BTBD9: variants seen among roughly 807,000 people sequenced by gnomAD.
BTBD9 encodes the protein BTB/POZ domain-containing protein 9.
Under a neutral mutation model 64.3 loss-of-function variants are expected in BTBD9, and 49 were observed. The ratio of observed to expected loss-of-function variants is 0.76; its 90% confidence interval spans 0.61 to 0.97. The LOEUF (loss-of-function observed/expected upper bound fraction) is 0.97. BTBD9 is among the 50% of genes least tolerant of loss of function. The pLI, the probability that BTBD9 is intolerant of heterozygous loss-of-function variation, is 0.00. For missense variants in BTBD9, 598 were observed against 762.1 expected, an observed-to-expected ratio of 0.78 and a Z score of 2.53; for synonymous variants, 260 against 274.7, an observed-to-expected ratio of 0.95 and a Z score of 0.53.
At chr6:38,490,523 T>G (rs1771658523) in intron 6 of BTBD9, among the ~76,000 whole-genome samples, 1 of 152,096 alleles carries the variant, frequency 6.6e-6, no homozygotes, top group Non-Finnish European at 1.5e-5. Flanking sequence ...GTTTCCCACG[T>G]TGGCCAGGCT....
chr6:38,273,302 ATGAC>A (rs1206292933), intron 8 of BTBD9, among the ~76,000 whole-genome samples: 1 of 152,180 alleles, frequency 6.6e-6, no homozygotes, highest in Non-Finnish European at 1.5e-5. Context: ...CCCCCAGTGG[ATGAC>A]TGAATCCACA....
chr6:38,478,594 T>C (rs1259247675), intron 6 of BTBD9, among the ~76,000 whole-genome samples: 3 of 152,186 alleles, frequency 2.0e-5, no homozygotes, highest in Non-Finnish European at 1.5e-5. Context: ...AGAGGAAATG[T>C]GCATGGGCAG....
chr6:38,507,946 A>T (rs189443616), intron 6 of BTBD9, among the ~76,000 whole-genome samples: 3 of 145,332 alleles, frequency 2.1e-5, no homozygotes, highest in African/African-American at 7.7e-5. Context: ...CCATTCTCCT[A>T]CCTCAGCCTC....
rs1254319476 is a variant in BTBD9, at chr6:38,184,917, G to A, written c.1641+7602C>T. ...TAAATTCTGCCTCACTCCAGGCCCT[G>A]AGCCGAGTGGTCCTGGAGGGCAGCT... On this transcript the variant is annotated intron_variant, in intron 10 of 10. Transcript: ENST00000481247. The surrounding 1 kb of genome is among the most constrained non-coding windows in gnomAD (Gnocchi z 4.4). Among the ~76,000 whole-genome samples the A allele has an allele frequency of 6.6e-6, 1 of 152,172 alleles. No individual in the cohort carries two copies. The highest frequency in any genetic ancestry group is 2.4e-5 in the African/African-American group (1 of 41,450).
chr6:38,553,902 A>C (rs977467643), intron 6 of BTBD9, among the ~76,000 whole-genome samples: 26 of 152,252 alleles, frequency 1.7e-4, no homozygotes, highest in African/African-American at 6.3e-4. Flanking sequence ...TGGGAACAGG[A>C]AGTTCTGGGT....
At chr6:38,387,556 A>G (rs527614672) in intron 6 of BTBD9, among the ~76,000 whole-genome samples, 57 of 152,224 alleles carry the variant, frequency 3.7e-4, no homozygotes, top group African/African-American at 1.3e-3. Flanking sequence ...CCAAAACAAC[A>G]ATAACAATAA....
chr6:38,402,279 A>G (rs897621594), intron 6 of BTBD9, among the ~76,000 whole-genome samples: 1 of 152,194 alleles, frequency 6.6e-6, no homozygotes, highest in African/African-American at 2.4e-5. Flanking sequence ...AAAGCGATCC[A>G]TAGATTCAAT....
At chr6:38,258,534 A>G (rs1379413639) in intron 8 of BTBD9, among the ~76,000 whole-genome samples, 1 of 152,166 alleles carries the variant, frequency 6.6e-6, no homozygotes, top group Non-Finnish European at 1.5e-5. Flanking sequence ...TACCATTCAC[A>G]TAATGTCTCA....
intron 6 of BTBD9, among the ~76,000 whole-genome samples, chr6:38,492,898 G>A (rs952892394): frequency 2.0e-5 from 3 of 152,094 alleles, no homozygotes; most frequent in Non-Finnish European, 4.4e-5. Flanking sequence ...GAAGGAGTTG[G>A]CAAATTATGT....
chr6:38,313,562 C>A (rs11753688), intron 7 of BTBD9, among the ~76,000 whole-genome samples: 1 of 152,062 alleles, frequency 6.6e-6, no homozygotes, highest in Admixed American at 6.6e-5. Flanking sequence ...CCTTCTATAC[C>A]CAGTTTCTTG....
intron 6 of BTBD9, among the ~76,000 whole-genome samples, chr6:38,367,833 C>CAAAAAAAAAA (rs1765244730): frequency 9.1e-6 from 1 of 109,968 alleles, no homozygotes; most frequent in Admixed American, 9.8e-5. Flanking sequence ...AAAAAAAAAC[C>CAAAAAAAAAA]ATCCCTGCCT....
intron 6 of BTBD9, among the ~76,000 whole-genome samples, chr6:38,398,631 T>G (rs1230193458): frequency 2.6e-5 from 4 of 152,080 alleles, no homozygotes; most frequent in Non-Finnish European, 5.9e-5. Context: ...CACCCTCCCT[T>G]CATAGGCACA....
chr6:38,584,328 G>GA (rs1328602719), intron 4 of BTBD9, among the ~76,000 whole-genome samples: 2 of 151,980 alleles, frequency 1.3e-5, no homozygotes, highest in Admixed American at 6.5e-5. Context: ...ACTCTGTCTT[G>GA]AAAAAACAAG....
intron 1 of BTBD9, 97 bp downstream of exon 1, chr6:38,639,703 G>A (rs73733989): frequency 0.11 from 17,069 of 152,152 alleles, 1,167 homozygotes; most frequent in Non-Finnish European, 0.15. Flanking sequence ...GCGGCGGAGG[G>A]GCGGGGGGCG....
chr6:38,245,676 A>G (rs953854841), intron 9 of BTBD9, among the ~76,000 whole-genome samples: 1 of 152,180 alleles, frequency 6.6e-6, no homozygotes, highest in Non-Finnish European at 1.5e-5. Flanking sequence ...GCCTATAGTA[A>G]GTAAACTCAT....
At chr6:38,423,804 T>C (rs796735395) in intron 6 of BTBD9, among the ~76,000 whole-genome samples, 12 of 149,924 alleles carry the variant, frequency 8.0e-5, no homozygotes, top group African/African-American at 3.0e-4. Flanking sequence ...GCAGATACAA[T>C]GCATTAAAAG....
At chr6:38,465,029 G>A (rs1770280308) in intron 6 of BTBD9, among the ~76,000 whole-genome samples, 1 of 152,134 alleles carries the variant, frequency 6.6e-6, no homozygotes. Flanking sequence ...TTGCCCATGT[G>A]GGGCAGCTCA....
intron 6 of BTBD9, among the ~76,000 whole-genome samples, chr6:38,420,628 C>T (rs1049886355): frequency 4.5e-4 from 68 of 151,826 alleles, no homozygotes; most frequent in African/African-American, 1.6e-3. Context: ...GAAGCTGAGG[C>T]AGGGGGATCA....
intron 6 of BTBD9, among the ~76,000 whole-genome samples, chr6:38,352,456 C>G (rs1764558717): frequency 6.6e-6 from 1 of 151,708 alleles, no homozygotes; most frequent in Non-Finnish European, 1.5e-5. Context: ...CAGACATAAG[C>G]CTTGATCTGG....
Sources: gnomAD v4.1 joint callset for allele counts (sites outside exome capture counted in the v4.1 genomes callset) on GRCh38, gnomAD v4.1.1 for gene constraint, Gnocchi (gnomAD v3.1) non-coding constraint, MANE v1.5 for transcripts, NCBI Gene and HGNC (gene_info 2026-07-23, HGNC 2026-07-21) for gene names.